CTNNA3: variants seen among roughly 807,000 people sequenced by gnomAD.
CTNNA3 encodes the protein catenin alpha-3.
A neutral mutation model predicts 95.7 loss-of-function variants in CTNNA3; 76 were observed. The observed-to-expected ratio is 0.79, with a 90% CI of 0.66 to 0.96. The LOEUF (loss-of-function observed/expected upper bound fraction) is 0.96, where lower values mean the gene tolerates loss of function less well. Among genes scored for constraint, CTNNA3 ranks in the 40% least tolerant of loss-of-function variants. CTNNA3 has a pLI of 0.00. For synonymous variants in CTNNA3, 431 were observed against 374.4 expected, an observed-to-expected ratio of 1.15 and a Z score of -1.74; for missense variants, 1,191 against 1,089.8, an observed-to-expected ratio of 1.09 and a Z score of -1.31.
chr10:67,627,379 G>C (rs1838993829), intron 2 of CTNNA3, among the ~76,000 whole-genome samples: 1 of 152,124 alleles, frequency 6.6e-6, no homozygotes, highest in African/African-American at 2.4e-5. Flanking sequence ...AGGGACAATG[G>C]GGAGGGACCT....
At position 67,686,668 on chromosome 10, in the gene CTNNA3, G is replaced by A. The variant is rs575063700; in HGVS notation, c.-6+9332C>T. ...AGCCTCTGACACTAAGACAGCCACCGCCACAACTACCTGTAAACAGTGAGG... is the reference window on the plus strand; with the variant it reads ...AGCCTCTGACACTAAGACAGCCACCACCACAACTACCTGTAAACAGTGAGG... On this transcript the variant is annotated intron_variant, in intron 1 of 17. Transcript: ENST00000433211. Among the ~76,000 whole-genome samples, 80 of 152,184 alleles carry A rather than the reference G, an allele frequency of 5.3e-4. 1 individual carries two copies. Among genetic ancestry groups the A allele is most frequent in the African/African-American group, 1.8e-3 (75 of 41,536 alleles).
chr10:67,668,781 GTA>G (rs1840375545), intron 1 of CTNNA3, among the ~76,000 whole-genome samples: 1 of 147,988 alleles, frequency 6.8e-6, no homozygotes, highest in Non-Finnish European at 1.5e-5. Flanking sequence ...TTGACCTTGA[GTA>G]TCTAAAACCA....
chr10:66,489,581 T>TGTGCATGCACACACACAC (rs1554974179), intron 11 of CTNNA3, among the ~76,000 whole-genome samples: 1 of 151,990 alleles, frequency 6.6e-6, no homozygotes, highest in Admixed American at 6.6e-5. Context: ...CACACACACT[T>TGTGCATGCACACACACAC]GTGCATGCAC....
chr10:65,938,156 A>G (rs1214017285), intron 17 of CTNNA3, among the ~76,000 whole-genome samples: 1 of 152,182 alleles, frequency 6.6e-6, no homozygotes, highest in African/African-American at 2.4e-5. Flanking sequence ...TTCTGGAGCA[A>G]GTTTAGAAAA....
chr10:66,972,217 A>G (rs762576632), intron 7 of CTNNA3, among the ~76,000 whole-genome samples: 2 of 152,184 alleles, frequency 1.3e-5, no homozygotes, highest in South Asian at 2.1e-4. Flanking sequence ...TCTTTCTCTC[A>G]CAGGCTAAAG....
chr10:67,541,112 G>T (rs926473668), intron 3 of CTNNA3, among the ~76,000 whole-genome samples: 1 of 151,688 alleles, frequency 6.6e-6, no homozygotes, highest in African/African-American at 2.4e-5. Context: ...ATACTATAAA[G>T]AACGTCCAGG....
chr10:67,013,565 A>ACTC, intron 7 of CTNNA3, among the ~76,000 whole-genome samples: 1 of 152,142 alleles, frequency 6.6e-6, no homozygotes. Context: ...CAAACACAGT[A>ACTC]CTCCTAAAAG....
chr10:67,551,862 G>A (rs374824340), intron 3 of CTNNA3, among the ~76,000 whole-genome samples: 18 of 152,292 alleles, frequency 1.2e-4, no homozygotes, highest in African/African-American at 4.3e-4. Flanking sequence ...CTCCCTCAGG[G>A]ATGTTTGAAA....
intron 6 of CTNNA3, among the ~76,000 whole-genome samples, chr10:67,196,460 C>T (rs1440044080): frequency 6.6e-6 from 1 of 151,942 alleles, no homozygotes; most frequent in East Asian, 1.9e-4. Flanking sequence ...ATATACTTAT[C>T]AATTAAATAT....
chr10:67,222,209 G>A (rs1014513796), intron 5 of CTNNA3, among the ~76,000 whole-genome samples: 2 of 152,126 alleles, frequency 1.3e-5, no homozygotes, highest in Admixed American at 1.3e-4. Context: ...GATTAACTTC[G>A]TTACAAAATG....
intron 1 of CTNNA3, among the ~76,000 whole-genome samples, chr10:67,711,074 T>C (rs930260723): frequency 1.3e-5 from 2 of 152,208 alleles, no homozygotes; most frequent in South Asian, 2.1e-4. Flanking sequence ...TCTGCCACCA[T>C]GTGAGACATG....
intron 11 of CTNNA3, among the ~76,000 whole-genome samples, chr10:66,434,759 C>T (rs1269144313): frequency 1.3e-5 from 2 of 152,162 alleles, no homozygotes; most frequent in African/African-American, 4.8e-5. Context: ...TTTACCCATT[C>T]AGTATAATAT....
At chr10:66,121,506 T>A (rs886393106) in intron 13 of CTNNA3, among the ~76,000 whole-genome samples, 1 of 152,092 alleles carries the variant, frequency 6.6e-6, no homozygotes, top group African/African-American at 2.4e-5. Flanking sequence ...ACTAGCTTAA[T>A]AAATCACATG....
intron 6 of CTNNA3, among the ~76,000 whole-genome samples, chr10:67,197,540 T>G (rs945053645): frequency 6.6e-6 from 1 of 152,080 alleles, no homozygotes; most frequent in Middle Eastern, 3.2e-3. Context: ...TTAACAATGA[T>G]GAGTGTGAAA....
intron 3 of CTNNA3, among the ~76,000 whole-genome samples, chr10:67,573,138 A>G (rs1427395378): frequency 6.6e-6 from 1 of 152,122 alleles, no homozygotes; most frequent in Non-Finnish European, 1.5e-5. Flanking sequence ...CTGCTCTCCT[A>G]CGCCTTTTAG....
chr10:67,489,805 T>TATATATATATATATATATATACAC (rs927605119), intron 5 of CTNNA3, among the ~76,000 whole-genome samples: 3 of 148,950 alleles, frequency 2.0e-5, no homozygotes, highest in Admixed American at 6.7e-5. Flanking sequence ...TATATATATA[T>TATATATATATATATATATATACAC]ACACACATTA....
intron 9 of CTNNA3, among the ~76,000 whole-genome samples, chr10:66,625,140 G>A (rs879628030): frequency 1.3e-5 from 2 of 152,146 alleles, no homozygotes; most frequent in African/African-American, 2.4e-5. Context: ...AGGGATATGT[G>A]TCTTGTTATG....
At chr10:67,442,188 C>G (rs1368149538) in intron 5 of CTNNA3, among the ~76,000 whole-genome samples, 1 of 151,802 alleles carries the variant, frequency 6.6e-6, no homozygotes, top group African/African-American at 2.4e-5. Flanking sequence ...TATTTGCAAA[C>G]TTCATGGTAA....
At chr10:67,282,877 G>A (rs1003991275) in intron 5 of CTNNA3, among the ~76,000 whole-genome samples, 4 of 152,176 alleles carry the variant, frequency 2.6e-5, no homozygotes, top group Non-Finnish European at 5.9e-5. Flanking sequence ...CGCAAGGCTA[G>A]CCATGAAAAC....
Sources: allele counts gnomAD v4.1 joint callset (sites outside exome capture counted in the v4.1 genomes callset), GRCh38; gene constraint gnomAD v4.1.1; transcripts MANE v1.5; gene names NCBI Gene and HGNC (gene_info 2026-07-23, HGNC 2026-07-21).